SCML2: variants seen among roughly 807,000 people sequenced by gnomAD.
SCML2 encodes Scm polycomb group protein like 2, also known as sex comb on midleg-like protein 2.
SCML2 carries 6 observed loss-of-function variants against 48.4 expected under a neutral mutation model. The observed-to-expected ratio is 0.12, with a 90% CI of 0.07 to 0.24. The LOEUF is 0.24. Ranked by LOEUF, SCML2 falls within the 10% of genes least tolerant of loss-of-function variation. SCML2 has a pLI of 1.00. For missense variants in SCML2, 377 were observed against 528.2 expected, an observed-to-expected ratio of 0.71 and a Z score of 2.81; for synonymous variants, 181 against 189.5, an observed-to-expected ratio of 0.95 and a Z score of 0.37.
At chrX:18,339,406 G>A (rs1929941578) in intron 1 of SCML2, among the ~76,000 whole-genome samples, 1 of 111,938 alleles carries the variant, frequency 8.9e-6, no homozygotes, top group African/African-American at 3.3e-5. Flanking sequence ...TAAGGTAGGT[G>A]AGTATTGAAA....
intron 7 of SCML2, among the ~76,000 whole-genome samples, chrX:18,284,907 G>A (rs992654514): frequency 2.7e-5 from 3 of 111,584 alleles, no homozygotes; most frequent in Non-Finnish European, 3.8e-5. Context: ...AGGCACAGTG[G>A]CACATGCCTG....
chrX:18,330,521 CTTAAAG>C lies in SCML2; in HGVS notation c.91+60_91+65del, dbSNP rs1489775491. On this transcript the variant is annotated intron_variant, in intron 3 of 14. Transcript: ENST00000251900. ...AATCAAAACAATAAGAAAATTTGCA[CTTAAAG>C]TTAATTTTAACACTAGTGAGGAAGA... 7.8e-5 allele frequency: 51 copies of C among 656,070 alleles called. No homozygotes were observed. The East Asian group carries it at 1.6e-3, about 21-fold the overall frequency. 54.1% of individuals were successfully genotyped at this position (656,070 alleles called of 1,213,427 possible).
chrX:18,279,706 A>C (rs1163084761), intron 7 of SCML2, among the ~76,000 whole-genome samples: 1 of 112,186 alleles, frequency 8.9e-6, no homozygotes, highest in African/African-American at 3.2e-5. Context: ...TCACTACAAG[A>C]ATTTCATAAT....
chrX:18,301,849 A>G (rs943750983), intron 7 of SCML2, among the ~76,000 whole-genome samples: 1 of 112,035 alleles, frequency 8.9e-6, no homozygotes, highest in African/African-American at 3.2e-5. Context: ...CAGGAAGAAA[A>G]TGATAAAATA....
At chrX:18,286,708 C>A (rs1331977439) in intron 7 of SCML2, among the ~76,000 whole-genome samples, 1 of 110,815 alleles carries the variant, frequency 9.0e-6, no homozygotes, top group Non-Finnish European at 1.9e-5. Context: ...TTAAAAACTT[C>A]TCTGAGATAC....
intron 7 of SCML2, among the ~76,000 whole-genome samples, chrX:18,278,522 T>C (rs1298837205): frequency 8.9e-6 from 1 of 111,951 alleles, no homozygotes. Flanking sequence ...AGGTTTTATG[T>C]GCTGGGCAGC....
intron 7 of SCML2, among the ~76,000 whole-genome samples, chrX:18,303,479 T>C (rs190975871): frequency 9.4e-4 from 105 of 112,043 alleles, no homozygotes; most frequent in African/African-American, 3.3e-3. Context: ...ACTCACATCA[T>C]GCACCTTTTG....
At chrX:18,300,753 T>C (rs1258790103) in intron 7 of SCML2, among the ~76,000 whole-genome samples, 1 of 104,207 alleles carries the variant, frequency 9.6e-6, no homozygotes, top group Non-Finnish European at 1.9e-5. Flanking sequence ...TTCACACCAC[T>C]GCACTCCAGC....
intron 7 of SCML2, among the ~76,000 whole-genome samples, chrX:18,274,762 T>C (rs1927573759): frequency 8.9e-6 from 1 of 111,847 alleles, no homozygotes; most frequent in Non-Finnish European, 1.9e-5. Flanking sequence ...CCCCCTAGGA[T>C]AGGGCACTTT....
intron 1 of SCML2, among the ~76,000 whole-genome samples, chrX:18,353,222 G>C (rs565691104): frequency 9.2e-6 from 1 of 108,943 alleles, no homozygotes; most frequent in Non-Finnish European, 1.9e-5. Flanking sequence ...AAAAATAAAA[G>C]AAAGGCAAAA....
intron 7 of SCML2, among the ~76,000 whole-genome samples, chrX:18,266,162 T>C (rs1352490464): frequency 9.0e-6 from 1 of 111,448 alleles, no homozygotes; most frequent in African/African-American, 3.3e-5. Context: ...TTATGTCATA[T>C]ACAGGAATCA....
chrX:18,333,188 G>A (rs1929708255), intron 2 of SCML2, among the ~76,000 whole-genome samples: 5 of 109,873 alleles, frequency 4.6e-5, no homozygotes, highest in Admixed American at 3.9e-4. Flanking sequence ...AAGGCAAGAG[G>A]ATCACTTAAG....
chrX:18,331,656 G>A (rs190062765), intron 2 of SCML2, among the ~76,000 whole-genome samples: 3 of 112,063 alleles, frequency 2.7e-5, no homozygotes, highest in Admixed American at 1.9e-4. Flanking sequence ...TATTTTTAGT[G>A]TGTATGCTTG....
chrX:18,281,605 G>A (rs766665554), intron 7 of SCML2, among the ~76,000 whole-genome samples: 27 of 108,167 alleles, frequency 2.5e-4, no homozygotes, highest in African/African-American at 8.4e-4. Flanking sequence ...CCAGCTACTC[G>A]GGAGGCTGAG....
chrX:18,306,116 G>A (rs966365323), intron 6 of SCML2, among the ~76,000 whole-genome samples: 2 of 111,373 alleles, frequency 1.8e-5, no homozygotes, highest in East Asian at 5.6e-4. Flanking sequence ...GTGATTTTCT[G>A]CCCTAATGAA....
At chrX:18,241,698 T>C (rs1569134409) in intron 14 of SCML2, among the ~76,000 whole-genome samples, 1 of 112,040 alleles carries the variant, frequency 8.9e-6, no homozygotes, top group Non-Finnish European at 1.9e-5. Flanking sequence ...TTATGAATGG[T>C]AGAAATGAAT....
At chrX:18,268,622 T>C in intron 7 of SCML2, among the ~76,000 whole-genome samples, 1 of 108,313 alleles carries the variant, frequency 9.2e-6, no homozygotes, top group Admixed American at 9.8e-5. Context: ...GTTTTCTCGG[T>C]GGGGGGAGGG....
chrX:18,331,922 T>C (rs1929671358), intron 2 of SCML2, among the ~76,000 whole-genome samples: 1 of 111,988 alleles, frequency 8.9e-6, no homozygotes, highest in Non-Finnish European at 1.9e-5. Context: ...CCAGAAGAGT[T>C]TGGTCAGATT....
At chrX:18,287,917 A>T (rs1241002475) in intron 7 of SCML2, among the ~76,000 whole-genome samples, 2 of 111,645 alleles carry the variant, frequency 1.8e-5, no homozygotes, top group Non-Finnish European at 3.8e-5. Flanking sequence ...TCTTATGAAG[A>T]CTATTTTATT....
Sources: allele counts gnomAD v4.1 joint callset (sites outside exome capture counted in the v4.1 genomes callset), GRCh38; gene constraint gnomAD v4.1.1; transcripts MANE v1.5; gene names NCBI Gene and HGNC (gene_info 2026-07-23, HGNC 2026-07-21).